Variants in RER1 observed in about 807,000 individuals in gnomAD.
The protein encoded by RER1 is retention in endoplasmic reticulum sorting receptor 1.
RER1 carries 6 observed loss-of-function variants against 28.3 expected under a neutral mutation model. That is an observed-to-expected ratio of 0.21 (90% CI 0.12 to 0.42). The LOEUF (loss-of-function observed/expected upper bound fraction) is 0.42. RER1 is among the 10% of genes least tolerant of loss of function. The pLI is 1.00. For missense variants in RER1, 159 were observed against 252.9 expected (o/e 0.63, Z 2.52); for synonymous variants, 110 against 95.9 (o/e 1.15, Z -0.86).
chr1:2,395,521 A>C (rs76681987), intron 1 of RER1: 15,404 of 464,384 alleles, frequency 0.033, 427 homozygotes, highest in South Asian at 0.079. Context: ...AGTCCCGCCC[A>C]CGCAGGTGAC....
chr1:2,400,827 G>GC (rs761909194), intron 4 of RER1, 30 bp from the exon 5 acceptor site: 2 of 1,578,246 alleles, frequency 1.3e-6, no homozygotes, highest in South Asian at 2.2e-5. Context: ...GAAAAGAGGT[G>GC]CCCTCCCTGA....
chr1:2,401,220 T>TTCCTC (rs1557903609), intron 5 of RER1, among the ~76,000 whole-genome samples: 3 of 95,332 alleles, frequency 3.1e-5, no homozygotes, highest in Admixed American at 1.1e-4. Context: ...TCCTCCTCCC[T>TTCCTC]CCTCCTCCCT....
chr1:2,402,115 G>T (rs771394889), intron 5 of RER1, 92 bp from the exon 6 acceptor site: 2 of 1,613,362 alleles, frequency 1.2e-6, no homozygotes, highest in Non-Finnish European at 1.7e-6. Context: ...CTGTTTGCGG[G>T]GACGGTCGGT....
At chr1:2,396,900 G>T (rs1642775857) in intron 2 of RER1, among the ~76,000 whole-genome samples, 1 of 152,252 alleles carries the variant, frequency 6.6e-6, no homozygotes, top group African/African-American at 2.4e-5. Flanking sequence ...TCTTGCTTAA[G>T]AGATGAACCT....
rs774314144 is a variant in RER1 at position 2,397,103 on chromosome 1, CTT to C, written c.82-12_82-11del. The C allele has an allele frequency of 9.5e-6, 15 of 1,584,162 alleles. No individual in the cohort carries two copies. In the Admixed American group the frequency reaches 1.3e-4, roughly 14 times the overall value. ...AGGACCTGCTTCATGCTTTTGGACT[CTT>C]GTCTTTCTAGATTTATCAGTCCTGG... On this transcript the variant is annotated splice_polypyrimidine_tract_variant and intron_variant, in intron 2 of 6. Transcript: ENST00000605895.
At chr1:2,392,169 G>A (rs1023344206) in intron 1 of RER1, among the ~76,000 whole-genome samples, 2 of 151,788 alleles carry the variant, frequency 1.3e-5, no homozygotes, top group Non-Finnish European at 2.9e-5. Context: ...CGGGGTGCTG[G>A]GGGGTGCGGC....
chr1:2,401,990 G>T (rs535311582), intron 5 of RER1: 8 of 1,476,720 alleles, frequency 5.4e-6, no homozygotes, highest in Non-Finnish European at 7.2e-6. Flanking sequence ...TGTCTTTCAA[G>T]GGAGTAAGAG....
chr1:2,401,412 T>TCCTCCCTCCCTCCTCCTTCCTCCC (rs1557904096), intron 5 of RER1, among the ~76,000 whole-genome samples: 1 of 31,458 alleles, frequency 3.2e-5, no homozygotes, highest in Non-Finnish European at 7.0e-5. Flanking sequence ...TCCTCCCTCC[T>TCCTCCCTCCCTCCTCCTTCCTCCC]TCCTCCTTCC....
intron 5 of RER1, among the ~76,000 whole-genome samples, chr1:2,401,629 C>T (rs1326710971): frequency 2.6e-5 from 4 of 151,920 alleles, no homozygotes; most frequent in Admixed American, 2.6e-4. Flanking sequence ...AGGAGGAACC[C>T]AAGTCTGTTA....
chr1:2,402,031 G>A, intron 5 of RER1, 176 bp from the exon 6 acceptor site: 1 of 1,546,076 alleles, frequency 6.5e-7, no homozygotes, highest in South Asian at 1.2e-5. Flanking sequence ...GGCAGTACAT[G>A]TCTGTGAGCT....
intron 3 of RER1, 96 bp downstream of exon 3, chr1:2,397,316 AGTG>A (rs1411250891): frequency 1.3e-6 from 1 of 784,554 alleles, no homozygotes; most frequent in East Asian, 2.5e-5. Context: ...TCTTGCAGGA[AGTG>A]GTCTCTAGTA....
intron 4 of RER1, among the ~76,000 whole-genome samples, chr1:2,400,523 C>T (rs533045708): frequency 6.6e-6 from 1 of 152,380 alleles, no homozygotes; most frequent in Admixed American, 6.5e-5. Flanking sequence ...GCCCTGTTCT[C>T]TGCCGCTTGC....
chr1:2,402,324 G>T lies in RER1; in HGVS notation c.483G>T (p.Thr161=). The change falls in exon 6 of 7, where the codon ACG becomes ACT. Residue 161 remains threonine (T), a synonymous_variant. Coordinates refer to ENST00000605895, the MANE Select transcript of RER1 (RefSeq NM_007033.5). ...ACTTCATCATGCTCTTCTGTATCAC[G>T]ATGAAGAGGCAAATCAAGGTAAAGC... is the stretch of plus-strand genomic sequence containing the variant. ...VMYFIMLFCI[T]MKRQIKHMIK... The T allele has an allele frequency of 6.2e-7, 1 of 1,614,210 alleles. No individual in the cohort carries two copies. Among genetic ancestry groups the T allele is most frequent in the Non-Finnish European group, 8.5e-7 (1 of 1,180,048 alleles).
intron 6 of RER1, 77 bp from the exon 7 acceptor site, chr1:2,402,958 G>T: frequency 8.1e-7 from 1 of 1,233,784 alleles, no homozygotes; most frequent in Non-Finnish European, 1.2e-6. Context: ...GGGGACCTTT[G>T]GCCGCTCAGA....
intron 2 of RER1, among the ~76,000 whole-genome samples, chr1:2,396,560 TAAA>T (rs750008500): frequency 1.3e-5 from 2 of 152,242 alleles, no homozygotes; most frequent in African/African-American, 4.8e-5. Context: ...TAAATTAAAA[TAAA>T]AAACCATACA....
intron 1 of RER1, among the ~76,000 whole-genome samples, chr1:2,392,697 G>C (rs1249625195): frequency 6.6e-6 from 1 of 152,192 alleles, no homozygotes; most frequent in African/African-American, 2.4e-5. Flanking sequence ...ACATTTCCCA[G>C]GAAGATGCAG....
chr1:2,397,496 T>C (rs1642785898), intron 3 of RER1, among the ~76,000 whole-genome samples: 1 of 152,098 alleles, frequency 6.6e-6, no homozygotes, highest in Non-Finnish European at 1.5e-5. Flanking sequence ...GCCTGGACAG[T>C]GGAGCCGCTG....
At position 2,403,267 on chromosome 1, in the gene RER1, A is replaced by G; in HGVS notation, c.*143A>G. On this transcript the variant is annotated 3_prime_UTR_variant, in exon 7 of 7. Coordinates refer to ENST00000605895, the MANE Select transcript of RER1 (RefSeq NM_007033.5). The stretch of plus-strand genomic sequence containing the variant: ...AGGAGCTTCAATGATTTGTAACTGA[A>G]ATATCAGGTTCTAGAAGAAACTGGC... The G allele has an allele frequency of 1.6e-6, 1 of 638,900 alleles. No individual in the cohort carries two copies. The allele number at this position is 638,900 out of a possible 1,614,324, so 39.6% of individuals were successfully genotyped here. A position where few individuals can be genotyped will look rare whatever the true frequency, so the allele number is the denominator to read the frequency against.
At chr1:2,402,484 G>A in intron 6 of RER1, 142 bp downstream of exon 6, 1 of 1,108,774 alleles carries the variant, frequency 9.0e-7, no homozygotes, top group Non-Finnish European at 1.3e-6. Flanking sequence ...CGTCTTGTGT[G>A]TGACGAGGAC....
Sources: gnomAD v4.1 joint callset for allele counts (sites outside exome capture counted in the v4.1 genomes callset) on GRCh38, gnomAD v4.1.1 for gene constraint, MANE v1.5 for transcripts, NCBI Gene and HGNC (gene_info 2026-07-23, HGNC 2026-07-21) for gene names.